CPS1: variants seen among roughly 807,000 people sequenced by gnomAD.
The protein encoded by CPS1 is carbamoyl-phosphate synthase [ammonia], mitochondrial.
In CPS1, 109 loss-of-function variants were observed where a neutral mutation model predicts 174.6. The observed-to-expected ratio is 0.62, with a 90% CI of 0.53 to 0.73. The LOEUF (loss-of-function observed/expected upper bound fraction) is 0.73. CPS1 is among the 30% of genes least tolerant of loss of function. CPS1 has a pLI of 0.00. For missense variants in CPS1, 1,689 were observed against 1,821.9 expected, an observed-to-expected ratio of 0.93 and a Z score of 1.33; for synonymous variants, 637 against 632.0, an observed-to-expected ratio of 1.01 and a Z score of -0.12.
At chr2:210,533,187 C>T (rs1283111407) in intron 1 of CPS1, among the ~76,000 whole-genome samples, 1 of 152,080 alleles carries the variant, frequency 6.6e-6, no homozygotes, top group African/African-American at 2.4e-5. Flanking sequence ...GTCGTCTGGA[C>T]TCAAAGAAGA....
intron 1 of CPS1, among the ~76,000 whole-genome samples, chr2:210,530,683 C>T (rs1400290464): frequency 6.6e-6 from 1 of 152,000 alleles, no homozygotes; most frequent in Non-Finnish European, 1.5e-5. Flanking sequence ...AGCTGTTAAA[C>T]TGAGTTTAAG....
intron 1 of CPS1, among the ~76,000 whole-genome samples, chr2:210,538,609 CAG>C (rs1696320688): frequency 6.6e-6 from 1 of 152,060 alleles, no homozygotes; most frequent in Non-Finnish European, 1.5e-5. Context: ...AATTAAAAAT[CAG>C]CCCTTTGACA....
chr2:210,637,558 T>C, intron 21 of CPS1, 144 bp from the exon 22 acceptor site: 2 of 841,676 alleles, frequency 2.4e-6, no homozygotes, highest in Non-Finnish European at 2.0e-6. Context: ...GGTTAGTTAT[T>C]TGTGTATTTT....
At chr2:210,654,466 G>A (rs1411455496) in intron 29 of CPS1, among the ~76,000 whole-genome samples, 1 of 151,736 alleles carries the variant, frequency 6.6e-6, no homozygotes, top group Non-Finnish European at 1.5e-5. Context: ...GTTCCCAATC[G>A]AATCCTGGTT....
intron 19 of CPS1, among the ~76,000 whole-genome samples, chr2:210,608,816 A>G (rs973754455): frequency 6.6e-6 from 1 of 151,966 alleles, no homozygotes; most frequent in Non-Finnish European, 1.5e-5. Flanking sequence ...AGGTGAGGCC[A>G]TATATCTGGC....
Position 210,592,974 on chromosome 2 carries a change from G to A in CPS1, c.1164+18G>A. 1.2e-6 allele frequency: 2 copies of A among 1,604,372 alleles called. No individual in the cohort carries two copies. Among genetic ancestry groups the A allele is most frequent in the Non-Finnish European group, 1.7e-6 (2 of 1,171,918 alleles). On this transcript the variant is annotated intron_variant, in intron 11 of 37. Coordinates refer to ENST00000233072, the MANE Select transcript of CPS1 (RefSeq NM_001875.5). The stretch of plus-strand genomic sequence containing the variant: ...ACACTGAGGTACGTCAAAAAGATGA[G>A]GCCTATTATGTATGCAAAAAAAAAA...
In CPS1 at chr2:210,678,631, T is replaced by C. The variant is rs1449901166; in HGVS notation, c.*646T>C. 6.5e-6 allele frequency: 1 copy of C among 154,286 alleles called. No individual in the cohort carries two copies. Among genetic ancestry groups the C allele is most frequent in the Non-Finnish European group, 1.4e-5 (1 of 69,662 alleles). The allele number at this position is 154,286 out of a possible 1,614,324, so 9.6% of individuals were successfully genotyped here. ...TTTTCTTTTTGAGATGGAGTCACAC[T>C]CTCCAGGCTGGAGTGCAGTGGCACA... On this transcript the variant is annotated 3_prime_UTR_variant, in exon 38 of 38. Transcript: ENST00000233072.
intron 34 of CPS1, among the ~76,000 whole-genome samples, chr2:210,669,072 A>G (rs1447534455): frequency 1.3e-5 from 2 of 152,190 alleles, no homozygotes; most frequent in Non-Finnish European, 2.9e-5. Context: ...AAGTTCTTGA[A>G]ATATTATTCA....
intron 21 of CPS1, among the ~76,000 whole-genome samples, chr2:210,621,946 T>C (rs1214475537): frequency 6.6e-6 from 1 of 152,012 alleles, no homozygotes; most frequent in African/African-American, 2.4e-5. Flanking sequence ...AAATCAGTGA[T>C]TGTCCTAATT....
At chr2:210,566,969 A>C (rs1014084026) in intron 1 of CPS1, among the ~76,000 whole-genome samples, 1 of 152,136 alleles carries the variant, frequency 6.6e-6, no homozygotes, top group Non-Finnish European at 1.5e-5. Flanking sequence ...GTATAAATTT[A>C]TTATTCAAAT....
At chr2:210,592,598 A>G (rs1698345148) in intron 10 of CPS1, among the ~76,000 whole-genome samples, 1 of 151,964 alleles carries the variant, frequency 6.6e-6, no homozygotes, top group Non-Finnish European at 1.5e-5. Context: ...GGGGTCCCAA[A>G]GACTATAGAC....
At chr2:210,647,030 G>A (rs1161820472) in intron 25 of CPS1, among the ~76,000 whole-genome samples, 1 of 151,962 alleles carries the variant, frequency 6.6e-6, no homozygotes, top group African/African-American at 2.4e-5. Flanking sequence ...TAAAGATTCT[G>A]GCACTGTTTG....
chr2:210,554,203 G>A (rs1465340124), upstream of CPS1, among the ~76,000 whole-genome samples: 1 of 124,218 alleles, frequency 8.1e-6, no homozygotes, highest in Non-Finnish European at 1.7e-5. Context: ...ATATATATAT[G>A]TATGTATATA....
chr2:210,669,421 T>C (rs1701219969), intron 34 of CPS1, among the ~76,000 whole-genome samples: 1 of 152,096 alleles, frequency 6.6e-6, no homozygotes, highest in Non-Finnish European at 1.5e-5. Flanking sequence ...TTTAATAAGC[T>C]CAAACTCTGC....
intron 24 of CPS1, 147 bp from the exon 25 acceptor site, chr2:210,642,337 T>G: frequency 1.1e-6 from 1 of 926,132 alleles, no homozygotes. Context: ...ATCATGGGTT[T>G]GAAATTTATA....
At chr2:210,555,493 C>T (rs74675486), upstream of CPS1, among the ~76,000 whole-genome samples, 93 of 152,106 alleles carry the variant, frequency 6.1e-4, 1 homozygote, top group East Asian at 0.014. Flanking sequence ...AAATCAAATA[C>T]TGTTTGTACT....
intron 1 of CPS1, among the ~76,000 whole-genome samples, chr2:210,567,728 G>A (rs866075267): frequency 4.6e-5 from 7 of 152,198 alleles, no homozygotes; most frequent in Non-Finnish European, 5.9e-5. Flanking sequence ...CACCTGAATG[G>A]TAGAAGAAAG....
intron 1 of CPS1, among the ~76,000 whole-genome samples, chr2:210,515,390 G>T (rs1695655649): frequency 6.6e-6 from 1 of 151,496 alleles, no homozygotes; most frequent in African/African-American, 2.4e-5. Context: ...CTTGATATTG[G>T]TCTGTTAAAG....
At chr2:210,519,735 T>G (rs1257295618) in intron 1 of CPS1, 1 of 984,980 alleles carries the variant, frequency 1.0e-6, no homozygotes, top group Non-Finnish European at 1.2e-6. Context: ...AAGCATCCAG[T>G]ATGAGGGAGC....
Sources: gnomAD v4.1 joint callset for allele counts (sites outside exome capture counted in the v4.1 genomes callset) on GRCh38, gnomAD v4.1.1 for gene constraint, MANE v1.5 for transcripts, NCBI Gene and HGNC (gene_info 2026-07-23, HGNC 2026-07-21) for gene names.